VRK3: variants seen among roughly 807,000 people sequenced by gnomAD.
The protein encoded by VRK3 is VRK serine/threonine kinase 3.
A neutral mutation model predicts 60.4 loss-of-function variants in VRK3; 50 were observed. The ratio of observed to expected loss-of-function variants is 0.83; its 90% CI spans 0.66 to 1.05. The LOEUF is 1.05. Among genes scored for constraint, VRK3 ranks in the 50% least tolerant of loss-of-function variants. The pLI, the probability that VRK3 is intolerant of heterozygous loss-of-function variation, is 0.00. For synonymous variants in VRK3, 246 were observed against 227.8 expected, an observed-to-expected ratio of 1.08 and a Z score of -0.72; for missense variants, 549 against 585.3, an observed-to-expected ratio of 0.94 and a Z score of 0.64.
chr19:50,009,320 C>G lies in VRK3; in HGVS notation c.205G>C (p.Val69Leu), dbSNP rs770964138. Reference protein sequence around the residue: ...SPKKVKWSSTVTSPRLSLFSD... With the variant: ...SPKKVKWSSTLTSPRLSLFSD... ...AAGAGGGATAATCGGGGAGAGGTGACGGTGCTGGACCATTTCACTTTCTTA... is the reference window on the plus strand; with the variant it reads ...AAGAGGGATAATCGGGGAGAGGTGAGGGTGCTGGACCATTTCACTTTCTTA... Residue 69 changes from valine to leucine, a missense_variant, in exon 4 of 15, where the codon GTC (valine) becomes CTC (leucine). Physicochemically the swap from Val to Leu is conservative, Grantham distance 32. Transcript: ENST00000316763. 4 of 1,613,950 alleles carry G rather than the reference C, an allele frequency of 2.5e-6. No individual in the cohort carries two copies. The highest frequency in any genetic ancestry group is 8.5e-7 in the Non-Finnish European group (1 of 1,180,008).
chr19:49,989,806 G>A (rs1299410752), intron 10 of VRK3, 35 bp from the exon 11 acceptor site: 2 of 1,562,454 alleles, frequency 1.3e-6, no homozygotes, highest in African/African-American at 1.4e-5. Context: ...CAGATTGGAG[G>A]TTAGGAGCGT....
intron 5 of VRK3, among the ~76,000 whole-genome samples, chr19:50,002,306 G>C (rs1335227419): frequency 6.6e-6 from 1 of 152,164 alleles, no homozygotes; most frequent in African/African-American, 2.4e-5. Context: ...TTGGGAGCCA[G>C]CTCTACACGT....
chr19:50,009,643 T>C (rs1027867724), intron 3 of VRK3, among the ~76,000 whole-genome samples: 9 of 152,182 alleles, frequency 5.9e-5, no homozygotes, highest in African/African-American at 1.7e-4. Flanking sequence ...TTTATATGTA[T>C]GTATATTTGA....
chr19:49,993,830 G>C (rs1352098368), intron 9 of VRK3, among the ~76,000 whole-genome samples: 1 of 151,968 alleles, frequency 6.6e-6, no homozygotes, highest in Non-Finnish European at 1.5e-5. Context: ...CCACCCCCGG[G>C]GCCCGGGACC....
chr19:50,003,809 C>T (rs899076838), intron 5 of VRK3, among the ~76,000 whole-genome samples: 8 of 152,254 alleles, frequency 5.3e-5, no homozygotes, highest in Non-Finnish European at 8.8e-5. Flanking sequence ...TCCCCAAATG[C>T]AAGCTCCGCA....
chr19:49,987,509 G>A (rs1421675390), intron 12 of VRK3, among the ~76,000 whole-genome samples: 2 of 152,142 alleles, frequency 1.3e-5, no homozygotes, highest in African/African-American at 2.4e-5. Context: ...GCTGTCCACC[G>A]GCTTTGGTGC....
rs537839276 is a variant in VRK3, at chr19:49,989,709, G to A, written c.1026C>T (p.Tyr342=). 11 of 1,613,914 alleles carry A rather than the reference G, an allele frequency of 6.8e-6. No homozygotes were observed. The highest frequency in any genetic ancestry group is 2.2e-5 in the East Asian group (1 of 44,878). Residue 342 remains tyrosine, a synonymous_variant, in exon 11 of 15, where the codon TAC becomes TAT. Transcript: ENST00000316763. ...CGTGAGGGCTCCTGCTGCCTTCCAC[G>A]TAGGCCACGTGTTTGCCACTTGGGC... is the stretch of plus-strand genomic sequence containing the variant. The part of the protein sequence containing the change: ...RYCPSGKHVA[Y]VEGSRSPHEG...
In VRK3 at chr19:49,980,340, G is replaced by C. The variant is rs576681299; in HGVS notation, c.1276+615C>G. Among the ~76,000 whole-genome samples the C allele has an allele frequency of 2.6e-5, 4 of 152,318 alleles. No individual in the cohort carries two copies. In the South Asian group the frequency reaches 8.3e-4, roughly 32 times the overall value. The stretch of plus-strand genomic sequence containing the variant: ...ATAAAAGCTGTGGTGCATCTATAAG[G>C]AAGGGCATGAAGGATGGCCCCAGGG... On this transcript the variant is annotated intron_variant, in intron 13 of 14. Coordinates refer to ENST00000316763, the MANE Select transcript of VRK3 (RefSeq NM_016440.4).
intron 10 of VRK3, among the ~76,000 whole-genome samples, chr19:49,991,007 C>T (rs529190277): frequency 4.6e-5 from 7 of 152,150 alleles, no homozygotes; most frequent in Non-Finnish European, 8.8e-5. Context: ...AGGCTGGTCT[C>T]GAACTCCTGG....
At chr19:50,016,549 G>A (rs767802293) in intron 2 of VRK3, among the ~76,000 whole-genome samples, 1 of 152,132 alleles carries the variant, frequency 6.6e-6, no homozygotes, top group Non-Finnish European at 1.5e-5. Context: ...AGATGAAGGA[G>A]GGCTGCCTGG....
intron 12 of VRK3, chr19:49,982,313 G>A (rs1384331311): frequency 3.0e-6 from 2 of 675,590 alleles, no homozygotes; most frequent in Non-Finnish European, 5.4e-6. Context: ...CAGCCCTTCA[G>A]CATTATGCTA....
rs1424799663 is a variant in VRK3 at position 50,007,838 on chromosome 19, T to G, written c.290-12A>C. The G allele has an allele frequency of 6.2e-7, 1 of 1,613,760 alleles. No individual in the cohort carries two copies. Among genetic ancestry groups the G allele is most frequent in the South Asian group, 1.1e-5 (1 of 91,078 alleles). The stretch of plus-strand genomic sequence containing the variant: ...TCTGCTCCCGGAGCCTGCAGGAGGA[T>G]GTAAGAATAAAGTAAAAGCACCATC... On this transcript the variant is annotated splice_polypyrimidine_tract_variant and intron_variant, in intron 4 of 14. Coordinates refer to ENST00000316763, the MANE Select transcript of VRK3 (RefSeq NM_016440.4).
intron 6 of VRK3, chr19:49,998,222 T>C (rs4802646): frequency 0.38 from 58,408 of 152,036 alleles, 12,455 homozygotes; most frequent in East Asian, 0.74. Flanking sequence ...TGTGGTGGCT[T>C]AGGCCTGTAA....
At chr19:50,014,332 G>A (rs2077040292) in intron 3 of VRK3, among the ~76,000 whole-genome samples, 1 of 151,946 alleles carries the variant, frequency 6.6e-6, no homozygotes, top group Non-Finnish European at 1.5e-5. Flanking sequence ...GCCGAGGCGG[G>A]TGGATCATTT....
chr19:50,025,130 G>T (rs1397041930), intron 1 of VRK3, 137 bp downstream of exon 1: 1 of 152,374 alleles, frequency 6.6e-6, no homozygotes, highest in East Asian at 1.9e-4. Context: ...CCGCGACCCG[G>T]AGCCGCTCTC....
chr19:50,000,734 T>G, intron 6 of VRK3, 56 bp downstream of exon 6: 2 of 1,546,666 alleles, frequency 1.3e-6, no homozygotes, highest in South Asian at 1.2e-5. Flanking sequence ...AAGTCAAGGA[T>G]GTGTTTGTGA....
chr19:49,982,161 C>T lies in VRK3; in HGVS notation c.1218-1148G>A, dbSNP rs191968267. 1.1e-5 allele frequency: 8 copies of T among 703,010 alleles called. No individual in the cohort carries two copies. The East Asian group carries it at 2.1e-4, about 19-fold the overall frequency. The allele number at this position is 703,010 out of a possible 1,614,324, so 43.5% of individuals were successfully genotyped here. On this transcript the variant is annotated intron_variant, in intron 12 of 14. Coordinates refer to ENST00000316763, the MANE Select transcript of VRK3 (RefSeq NM_016440.4). ...TTGTTTCTGGCATGACAAAGTCCAG[C>T]TTACATTAAAATGAATCCCAAGGCA...
In VRK3 at chr19:49,981,028, A is replaced by G; in HGVS notation, c.1218-15T>C. On this transcript the variant is annotated splice_polypyrimidine_tract_variant and intron_variant, in intron 12 of 14. Coordinates refer to ENST00000316763, the MANE Select transcript of VRK3 (RefSeq NM_016440.4). The stretch of plus-strand genomic sequence containing the variant: ...TATCAACAAACCTGAAGGGACAGAA[A>G]CACATGTGAAAGGTCTCTTAGGGAA... The G allele has an allele frequency of 1.2e-6, 2 of 1,611,472 alleles. No individual in the cohort carries two copies. Among genetic ancestry groups the G allele is most frequent in the Non-Finnish European group, 1.7e-6 (2 of 1,178,776 alleles).
chr19:50,016,309 A>T lies in VRK3; in HGVS notation c.-1-146T>A, dbSNP rs993638677. The T allele has an allele frequency of 1.4e-5, 15 of 1,036,396 alleles. No homozygotes were observed. The African/African-American group carries it at 1.6e-4, about 11-fold the overall frequency. The allele number at this position is 1,036,396 out of a possible 1,614,324, so 64.2% of individuals were successfully genotyped here. A position where few individuals can be genotyped will look rare whatever the true frequency, so the allele number is the denominator to read the frequency against. On this transcript the variant is annotated intron_variant, in intron 2 of 14. Transcript: ENST00000316763. ...GTTTGTGATGTTCACTTCTTAAAAC[A>T]TGCAATGGGAATGGGAGTGACAGTC...
Sources: gnomAD v4.1 joint callset for allele counts (sites outside exome capture counted in the v4.1 genomes callset) on GRCh38, gnomAD v4.1.1 for gene constraint, MANE v1.5 for transcripts, NCBI Gene and HGNC (gene_info 2026-07-23, HGNC 2026-07-21) for gene names.